Variants in AGTPBP1 observed in about 807,000 individuals in gnomAD.
AGTPBP1 encodes the protein ATP/GTP binding carboxypeptidase 1.
Under a neutral mutation model 143.9 loss-of-function variants are expected in AGTPBP1, and 70 were observed. That is an observed-to-expected ratio of 0.49 (90% CI 0.40 to 0.59). The LOEUF (loss-of-function observed/expected upper bound fraction) is 0.59, where lower values mean the gene tolerates loss of function less well. Ranked by LOEUF, AGTPBP1 falls within the 20% of genes least tolerant of loss-of-function variation. The probability of loss-of-function intolerance (pLI) is 0.00; values close to 1 mark genes in which losing one functional copy is unlikely to be tolerated. For missense variants in AGTPBP1, 1,229 were observed against 1,464.5 expected (o/e 0.84, Z 2.62); for synonymous variants, 463 against 500.2 (o/e 0.93, Z 0.99).
chr9:85,584,526 A>G (rs2133153235), intron 23 of AGTPBP1, among the ~76,000 whole-genome samples: 1 of 152,350 alleles, frequency 6.6e-6, no homozygotes, highest in East Asian at 1.9e-4. Context: ...AGAATGGGGT[A>G]TGAAATTTAC....
intron 15 of AGTPBP1, among the ~76,000 whole-genome samples, chr9:85,619,568 T>C (rs921816533): frequency 1.3e-5 from 2 of 152,190 alleles, no homozygotes; most frequent in East Asian, 1.9e-4. Flanking sequence ...ATTTCTAAAA[T>C]ACTTATTTTT....
rs1461481625 is a variant in AGTPBP1, at chr9:85,700,220, T to C, written c.33-7407A>G. ...CCTTGAGAACTTCTGGGCTAGGTTA[T>C]ACTACCAAAACGAACAACTCCACAA... On this transcript the variant is annotated intron_variant, in intron 2 of 25. Coordinates refer to ENST00000357081, the MANE Select transcript of AGTPBP1 (RefSeq NM_001330701.2). Among the ~76,000 whole-genome samples the C allele has an allele frequency of 2.6e-5, 4 of 152,212 alleles. No individual in the cohort carries two copies. In the East Asian group the frequency reaches 7.7e-4, roughly 29 times the overall value.
chr9:85,548,025 A>G (rs1285762887), intron 25 of AGTPBP1, among the ~76,000 whole-genome samples: 1 of 152,192 alleles, frequency 6.6e-6, no homozygotes, highest in Non-Finnish European at 1.5e-5. Context: ...ACCCCCCCAC[A>G]CAAAATATCA....
At chr9:85,716,729 C>CT (rs1319020564) in intron 1 of AGTPBP1, among the ~76,000 whole-genome samples, 2 of 152,182 alleles carry the variant, frequency 1.3e-5, no homozygotes, top group African/African-American at 4.8e-5. Context: ...ACACAACATG[C>CT]TTAGTGATCC....
At chr9:85,737,097 C>A (rs964275789) in intron 1 of AGTPBP1, among the ~76,000 whole-genome samples, 1 of 152,124 alleles carries the variant, frequency 6.6e-6, no homozygotes, top group Non-Finnish European at 1.5e-5. Flanking sequence ...CAGAGCAAGA[C>A]TCCATCTCAA....
At chr9:85,563,094 G>A (rs1015178288) in intron 25 of AGTPBP1, among the ~76,000 whole-genome samples, 4 of 152,218 alleles carry the variant, frequency 2.6e-5, no homozygotes, top group African/African-American at 9.6e-5. Flanking sequence ...AGAACTGTAA[G>A]AAATAGATTT....
intron 6 of AGTPBP1, among the ~76,000 whole-genome samples, chr9:85,675,103 G>A (rs1291604804): frequency 2.0e-5 from 3 of 151,972 alleles, no homozygotes; most frequent in Non-Finnish European, 2.9e-5. Context: ...TCAGCATGCT[G>A]GCCAGGCTGA....
Position 85,619,316 on chromosome 9 carries a change from T to A in AGTPBP1, c.2100-15A>T, listed in dbSNP as rs1464268462. 1 of 1,570,544 alleles carries A rather than the reference T, an allele frequency of 6.4e-7. No homozygotes were observed. Among genetic ancestry groups the A allele is most frequent in the South Asian group, 1.2e-5 (1 of 86,896 alleles). On this transcript the variant is annotated splice_polypyrimidine_tract_variant and intron_variant, in intron 15 of 25. Transcript: ENST00000357081. ...GAATGGTGTAACTAAATAAAAGTTT[T>A]AAAGTAAATGTATTAAAATACATTG...
At chr9:85,568,723 A>G (rs1827268192) in intron 25 of AGTPBP1, among the ~76,000 whole-genome samples, 1 of 152,158 alleles carries the variant, frequency 6.6e-6, no homozygotes, top group South Asian at 2.1e-4. Flanking sequence ...TGATGGAGAG[A>G]AATGAAAGCT....
intron 14 of AGTPBP1, among the ~76,000 whole-genome samples, chr9:85,628,986 A>G (rs1000699991): frequency 4.6e-5 from 7 of 152,144 alleles, no homozygotes; most frequent in Non-Finnish European, 7.3e-5. Context: ...AAGTCCTGGG[A>G]TTACAGGCAT....
At chr9:85,571,081 A>G (rs1827430493) in intron 25 of AGTPBP1, among the ~76,000 whole-genome samples, 1 of 152,254 alleles carries the variant, frequency 6.6e-6, no homozygotes, top group African/African-American at 2.4e-5. Context: ...TTATTTGAGC[A>G]TGCATGTATA....
chr9:85,661,713 C>T (rs941320826), intron 8 of AGTPBP1, among the ~76,000 whole-genome samples: 1 of 152,110 alleles, frequency 6.6e-6, no homozygotes, highest in East Asian at 1.9e-4. Context: ...CACATAATAT[C>T]ACCATGGAAA....
At chr9:85,727,598 A>T (rs932161583) in intron 1 of AGTPBP1, among the ~76,000 whole-genome samples, 1 of 152,232 alleles carries the variant, frequency 6.6e-6, no homozygotes, top group Non-Finnish European at 1.5e-5. Context: ...GAATTCCAGG[A>T]GTACTTTCAC....
chr9:85,593,874 A>G (rs1256058508), intron 18 of AGTPBP1, among the ~76,000 whole-genome samples: 1 of 152,198 alleles, frequency 6.6e-6, no homozygotes, highest in Non-Finnish European at 1.5e-5. Flanking sequence ...AAGATGCTCT[A>G]ACAACTTAAT....
chr9:85,627,247 T>C (rs897640441), intron 14 of AGTPBP1, among the ~76,000 whole-genome samples: 1 of 152,138 alleles, frequency 6.6e-6, no homozygotes, highest in African/African-American at 2.4e-5. Context: ...AATAAAGTTA[T>C]TTATGTGCGC....
chr9:85,777,928 G>C, the AGTPBP1 span, among the ~76,000 whole-genome samples: 1 of 152,318 alleles, frequency 6.6e-6, no homozygotes, highest in South Asian at 2.1e-4. Flanking sequence ...CTAGAAAGGG[G>C]CTGTAGTGCC....
In AGTPBP1 at chr9:85,639,531, T is replaced by C. The variant is rs574195910; in HGVS notation, c.1302+3296A>G. Among the ~76,000 whole-genome samples the C allele has an allele frequency of 2.6e-5, 4 of 152,108 alleles. No individual in the cohort carries two copies. In the East Asian group the frequency reaches 7.7e-4, roughly 29 times the overall value. On this transcript the variant is annotated intron_variant, in intron 13 of 25. Coordinates refer to ENST00000357081, the MANE Select transcript of AGTPBP1 (RefSeq NM_001330701.2). ...TAAACATTATTTAGAGATATGAGGATCAACTTCAAAAACATACAAAAAGTA... is the reference window on the plus strand; with the variant it reads ...TAAACATTATTTAGAGATATGAGGACCAACTTCAAAAACATACAAAAAGTA...
chr9:85,678,817 T>C (rs1420643965), intron 4 of AGTPBP1, among the ~76,000 whole-genome samples: 1 of 152,260 alleles, frequency 6.6e-6, no homozygotes, highest in Non-Finnish European at 1.5e-5. Flanking sequence ...AAGAAATCCA[T>C]GTAAATATAC....
chr9:85,572,688 G>C (rs1188715848), intron 25 of AGTPBP1, among the ~76,000 whole-genome samples: 1 of 152,160 alleles, frequency 6.6e-6, no homozygotes, highest in African/African-American at 2.4e-5. Flanking sequence ...TAAAGCACCA[G>C]TAACGGTCTG....
Sources: allele counts gnomAD v4.1 joint callset (sites outside exome capture counted in the v4.1 genomes callset), GRCh38; gene constraint gnomAD v4.1.1; transcripts MANE v1.5; gene names NCBI Gene and HGNC (gene_info 2026-07-23, HGNC 2026-07-21).